RGS7: variants seen among roughly 807,000 people sequenced by gnomAD.
The protein encoded by RGS7 is regulator of G protein signaling 7, also known as regulator of G-protein signaling 7.
A neutral mutation model predicts 81.1 loss-of-function variants in RGS7; 27 were observed. The ratio of observed to expected loss-of-function variants is 0.33; its 90% CI spans 0.25 to 0.46. The LOEUF (loss-of-function observed/expected upper bound fraction) is 0.46. Ranked by LOEUF, RGS7 falls within the 20% of genes least tolerant of loss-of-function variation. The probability of loss-of-function intolerance (pLI) is 1.00; values close to 1 mark genes in which losing one functional copy is unlikely to be tolerated. For missense variants in RGS7, 396 were observed against 607.4 expected (o/e 0.65, Z 3.66); for synonymous variants, 208 against 207.7 (o/e 1.00, Z -0.01).
At chr1:241,193,813 C>T (rs1363882081) in intron 2 of RGS7, among the ~76,000 whole-genome samples, 1 of 152,168 alleles carries the variant, frequency 6.6e-6, no homozygotes, top group Non-Finnish European at 1.5e-5. Context: ...TTCCCTCTGC[C>T]ACAAAATAAC....
In RGS7 at chr1:240,834,916, CCACACACACACACACACACACA is replaced by C. The variant is rs67071227; in HGVS notation, c.610-7766_610-7745del. ...TCAAAACTCATTCAGACCTTACACT[CCACACACACACACACACACACA>C]CACACACACACACACACAAACTCAA... On this transcript the variant is annotated intron_variant, in intron 9 of 18. Transcript: ENST00000440928. Among the ~76,000 whole-genome samples, 11 of 144,616 alleles carry C rather than the reference CCACACACACACACACACACACA, an allele frequency of 7.6e-5. No homozygotes were observed. The South Asian group carries it at 2.3e-3, about 30-fold the overall frequency. The allele number at this position is 144,616 out of a possible 152,430, so 94.9% of individuals were successfully genotyped here.
At chr1:241,032,385 G>A (rs984771174) in intron 3 of RGS7, among the ~76,000 whole-genome samples, 12 of 152,274 alleles carry the variant, frequency 7.9e-5, no homozygotes, top group African/African-American at 2.9e-4. Context: ...TATCCTTGCA[G>A]TATAATTTGA....
At chr1:240,891,108 C>T (rs1277256812) in intron 6 of RGS7, among the ~76,000 whole-genome samples, 21 of 152,194 alleles carry the variant, frequency 1.4e-4, no homozygotes, top group African/African-American at 2.4e-5. Context: ...AAATTTGCTA[C>T]CTGCTCTTAG....
intron 16 of RGS7, 61 bp from the exon 17 acceptor site, chr1:240,801,569 A>C (rs557405220): frequency 1.5e-5 from 18 of 1,165,138 alleles, no homozygotes; most frequent in Middle Eastern, 1.9e-4. Flanking sequence ...AAAAAGAAAG[A>C]AAGCAAGGAA....
chr1:240,923,128 T>C (rs934435881), intron 6 of RGS7, among the ~76,000 whole-genome samples: 3 of 152,040 alleles, frequency 2.0e-5, no homozygotes, highest in Non-Finnish European at 4.4e-5. Flanking sequence ...CCTATGACAT[T>C]CTGTAAAAGG....
intron 9 of RGS7, among the ~76,000 whole-genome samples, chr1:240,861,072 C>T (rs1425288759): frequency 6.6e-6 from 1 of 152,134 alleles, no homozygotes; most frequent in Non-Finnish European, 1.5e-5. Flanking sequence ...AGACTTTCTG[C>T]TCTTCAAGAG....
chr1:241,317,411 T>C (rs181600748), intron 2 of RGS7, among the ~76,000 whole-genome samples: 3 of 152,336 alleles, frequency 2.0e-5, no homozygotes, highest in African/African-American at 7.2e-5. Flanking sequence ...TAGCTTGGTC[T>C]CCAGAAAACA....
chr1:240,785,452 G>A lies in RGS7; in HGVS notation c.*7-9239C>T, dbSNP rs558113242. 4.8e-4 allele frequency among the ~76,000 whole-genome samples: 73 copies of A among 152,256 alleles called. 1 individual carries two copies. In the Middle Eastern group the frequency reaches 0.01, roughly 21 times the overall value. On this transcript the variant is annotated intron_variant, in intron 18 of 18. Transcript: ENST00000440928. ...TTAGCACTTTTATATGCCTTCTTACGTGATTTTGTAAGTCATCTGGCCTGA... is the reference window on the plus strand; with the variant it reads ...TTAGCACTTTTATATGCCTTCTTACATGATTTTGTAAGTCATCTGGCCTGA...
chr1:241,078,205 A>C (rs28713268), intron 3 of RGS7, among the ~76,000 whole-genome samples: 5 of 148,884 alleles, frequency 3.4e-5, no homozygotes, highest in Admixed American at 6.8e-5. Flanking sequence ...TTAGATGGAG[A>C]GAGATCAGAG....
At chr1:240,794,957 C>T (rs961193047) in intron 18 of RGS7, among the ~76,000 whole-genome samples, 5 of 151,954 alleles carry the variant, frequency 3.3e-5, no homozygotes, top group Admixed American at 1.3e-4. Context: ...CCGAGGCAGG[C>T]GGATCACCTG....
At chr1:241,209,596 G>A (rs1236523886) in intron 2 of RGS7, among the ~76,000 whole-genome samples, 1 of 152,134 alleles carries the variant, frequency 6.6e-6, no homozygotes, top group South Asian at 2.1e-4. Flanking sequence ...AGCACTTTGG[G>A]AGGCTGAGGC....
chr1:241,022,538 A>T (rs2059591981), intron 3 of RGS7, among the ~76,000 whole-genome samples: 1 of 152,104 alleles, frequency 6.6e-6, no homozygotes, highest in Non-Finnish European at 1.5e-5. Context: ...AGATCTATAA[A>T]CTGCCTCATC....
intron 2 of RGS7, among the ~76,000 whole-genome samples, chr1:241,101,479 G>C (rs2064733780): frequency 6.6e-6 from 1 of 152,028 alleles, no homozygotes; most frequent in Admixed American, 6.6e-5. Context: ...CTGGGAGACA[G>C]AGTGAGACTT....
At chr1:241,092,430 G>A (rs2063946963) in intron 3 of RGS7, among the ~76,000 whole-genome samples, 1 of 152,150 alleles carries the variant, frequency 6.6e-6, no homozygotes, top group African/African-American at 2.4e-5. Context: ...ATTTTCAGAT[G>A]AGAGAATGAA....
At chr1:240,989,534 C>A (rs1256481910) in intron 3 of RGS7, among the ~76,000 whole-genome samples, 3 of 151,960 alleles carry the variant, frequency 2.0e-5, no homozygotes, top group African/African-American at 7.3e-5. Flanking sequence ...CCATGACTAC[C>A]AATGCCAAAA....
chr1:240,956,072 A>G (rs1680361466), intron 4 of RGS7, among the ~76,000 whole-genome samples: 1 of 152,214 alleles, frequency 6.6e-6, no homozygotes, highest in Admixed American at 6.5e-5. Context: ...CCAGTATTAC[A>G]AAATGAACCT....
chr1:241,007,270 A>T (rs2058726353), intron 3 of RGS7, among the ~76,000 whole-genome samples: 1 of 152,116 alleles, frequency 6.6e-6, no homozygotes, highest in African/African-American at 2.4e-5. Context: ...TTACTTTATT[A>T]TAAGAACACA....
intron 2 of RGS7, among the ~76,000 whole-genome samples, chr1:241,177,067 A>T (rs888293395): frequency 6.6e-6 from 1 of 152,232 alleles, no homozygotes; most frequent in Non-Finnish European, 1.5e-5. Flanking sequence ...GATGAGAACC[A>T]TGAACAATAT....
intron 2 of RGS7, among the ~76,000 whole-genome samples, chr1:241,344,539 A>G (rs1464243413): frequency 6.6e-6 from 1 of 152,244 alleles, no homozygotes; most frequent in Non-Finnish European, 1.5e-5. Context: ...ACAGAGGTAA[A>G]GTAACTGGAT....
Sources: gnomAD v4.1 joint callset for allele counts (sites outside exome capture counted in the v4.1 genomes callset) on GRCh38, gnomAD v4.1.1 for gene constraint, MANE v1.5 for transcripts, NCBI Gene and HGNC (gene_info 2026-07-23, HGNC 2026-07-21) for gene names.